MCF2L: variants seen among roughly 807,000 people sequenced by gnomAD.
MCF2L encodes MCF.2 cell line derived transforming sequence like, also known as guanine nucleotide exchange factor DBS.
Under a neutral mutation model 153.4 loss-of-function variants are expected in MCF2L, and 97 were observed. The ratio of observed to expected loss-of-function variants is 0.63; its 90% CI spans 0.54 to 0.75. The LOEUF is 0.75. Among genes scored for constraint, MCF2L ranks in the 30% least tolerant of loss-of-function variants. MCF2L has a pLI of 0.00. For synonymous variants in MCF2L, 659 were observed against 632.2 expected (o/e 1.04, Z -0.64); for missense variants, 1,347 against 1,495.2 (o/e 0.90, Z 1.64).
upstream of MCF2L, chr13:112,965,460 C>T (rs1214253454): frequency 6.6e-6 from 1 of 152,236 alleles, no homozygotes; most frequent in Non-Finnish European, 1.5e-5. Context: ...ATTTCTGGGG[C>T]CACGGCTCCA....
At chr13:112,895,267 C>T (rs996105443) in intron 1 of MCF2L, among the ~76,000 whole-genome samples, 1 of 152,106 alleles carries the variant, frequency 6.6e-6, no homozygotes, top group South Asian at 2.1e-4. Context: ...AGGGGCGTGG[C>T]CCGCATGACC....
intron 1 of MCF2L, among the ~76,000 whole-genome samples, chr13:112,972,474 GTGGA>G (rs1300862731): frequency 4.2e-5 from 6 of 141,666 alleles, no homozygotes; most frequent in East Asian, 2.3e-4. Context: ...GGGTGTGTGG[GTGGA>G]TGGATGGATG....
intron 25 of MCF2L, 57 bp downstream of exon 25, chr13:113,088,685 A>T: frequency 6.5e-7 from 1 of 1,546,770 alleles, no homozygotes; most frequent in Admixed American, 1.8e-5. Flanking sequence ...CGAGCAGGCC[A>T]TTTGCACGCC....
chr13:112,905,510 A>T (rs1338194670), intron 2 of MCF2L, among the ~76,000 whole-genome samples: 1 of 152,246 alleles, frequency 6.6e-6, no homozygotes. Context: ...GGCTTTGAGC[A>T]TAAAGGACAA....
At chr13:112,968,146 G>T (rs1307181160), upstream of MCF2L, among the ~76,000 whole-genome samples, 1 of 148,178 alleles carries the variant, frequency 6.7e-6, no homozygotes, top group African/African-American at 2.5e-5. Context: ...GTGAGGTGGG[G>T]GGGGGGGTCT....
At chr13:112,902,504 G>A in intron 2 of MCF2L, 1 of 944,906 alleles carries the variant, frequency 1.1e-6, no homozygotes, top group Non-Finnish European at 1.5e-6. Context: ...GACCCCCCAG[G>A]TAGCAGGCTG....
intron 1 of MCF2L, chr13:112,985,480 G>A (rs757413804): frequency 8.5e-6 from 4 of 470,978 alleles, no homozygotes; most frequent in South Asian, 6.2e-5. Flanking sequence ...GTGGCTGAGG[G>A]TGAGTCTCCT....
rs370704280 is a variant in MCF2L at position 113,033,978 on chromosome 13, C to G, written c.278+9220C>G. ...ACGCACCGCGGTGACCACCTCCCCC[C>G]GAGGTCCTCTCCCCGCACCTTCCCA... On this transcript the variant is annotated intron_variant, in intron 3 of 29. Coordinates refer to ENST00000535094, the MANE Select transcript of MCF2L (RefSeq NM_001112732.3). The G allele has an allele frequency of 1.8e-3, 295 of 165,378 alleles. 3 individuals are homozygous for G. Among genetic ancestry groups the G allele is most frequent in the Non-Finnish European group, 3.4e-3 (228 of 67,656 alleles). 10.2% of individuals were successfully genotyped at this position (165,378 alleles called of 1,614,324 possible). A position where few individuals can be genotyped will look rare whatever the true frequency, so the allele number is the denominator to read the frequency against.
Position 113,064,879 on chromosome 13 carries a change from C to T in MCF2L, c.607-57C>T. ...TTTCCGCCGGTGTCTGCTTTCAGGG[C>T]AGCAGGAGGTGGGTGCAGTGCACAA... On this transcript the variant is annotated intron_variant, in intron 6 of 29. Coordinates refer to ENST00000535094, the MANE Select transcript of MCF2L (RefSeq NM_001112732.3). This position sits in a 1 kb window ranked among gnomAD's most constrained non-coding sequence, Gnocchi z 6.0. The T allele has an allele frequency of 6.4e-7, 1 of 1,559,956 alleles. No homozygotes were observed. The highest frequency in any genetic ancestry group is 8.7e-7 in the Non-Finnish European group (1 of 1,148,742).
Position 112,969,570 on chromosome 13 carries a change from C to T in MCF2L, c.79+112C>T. ...AGCCGCCCTCGTGTTCCTTTCTAGC[C>T]GTGGTAGCTGTGACATGGGGGGCAC... On this transcript the variant is annotated intron_variant, in intron 1 of 29. Coordinates refer to ENST00000535094, the MANE Select transcript of MCF2L (RefSeq NM_001112732.3). This position sits in a 1 kb window ranked among gnomAD's most constrained non-coding sequence, Gnocchi z 4.8. 2 of 1,501,284 alleles carry T rather than the reference C, an allele frequency of 1.3e-6. No homozygotes were observed. The highest frequency in any genetic ancestry group is 2.0e-5 in the Admixed American group (1 of 49,262). 93.0% of individuals were successfully genotyped at this position (1,501,284 alleles called of 1,614,324 possible).
intron 2 of MCF2L, among the ~76,000 whole-genome samples, chr13:112,964,117 G>A (rs866191729): frequency 6.4e-5 from 7 of 109,474 alleles, no homozygotes; most frequent in African/African-American, 1.3e-4. Context: ...GCGGGGGGGC[G>A]GGGGGGCCCA....
chr13:113,091,169 G>T, intron 26 of MCF2L: 1 of 1,304,456 alleles, frequency 7.7e-7, no homozygotes, highest in Non-Finnish European at 1.0e-6. Flanking sequence ...GAAGTAAAGA[G>T]CGACCCGACT....
chr13:113,052,181 A>G (rs1394447537), intron 4 of MCF2L, among the ~76,000 whole-genome samples: 1 of 152,240 alleles, frequency 6.6e-6, no homozygotes, highest in Middle Eastern at 3.2e-3. Context: ...GTAAGTAGAT[A>G]CAATCATGAT....
intron 1 of MCF2L, among the ~76,000 whole-genome samples, chr13:112,990,121 G>T (rs759517849): frequency 1.3e-5 from 2 of 152,188 alleles, no homozygotes; most frequent in Admixed American, 1.3e-4. Flanking sequence ...TGTGCAGCCC[G>T]ACCAGTACCG....
chr13:112,954,224 A>G (rs2081729990), intron 2 of MCF2L, among the ~76,000 whole-genome samples: 1 of 152,128 alleles, frequency 6.6e-6, no homozygotes, highest in African/African-American at 2.4e-5. Flanking sequence ...ACAAAGCCAC[A>G]TTGGAAGAGA....
chr13:112,928,898 C>A (rs550172938), intron 2 of MCF2L, among the ~76,000 whole-genome samples: 1 of 152,324 alleles, frequency 6.6e-6, no homozygotes. Context: ...TGCGCCTCCT[C>A]CCAGCTGACA....
intron 3 of MCF2L, among the ~76,000 whole-genome samples, chr13:113,039,102 G>A (rs1051353458): frequency 3.3e-5 from 5 of 152,040 alleles, no homozygotes; most frequent in East Asian, 1.9e-4. Context: ...CTCATGATCC[G>A]CCCTCCTCAG....
intron 17 of MCF2L, among the ~76,000 whole-genome samples, chr13:113,083,506 A>C (rs975287950): frequency 1.3e-5 from 2 of 152,168 alleles, no homozygotes; most frequent in Admixed American, 1.3e-4. Flanking sequence ...TGTTGTGCTC[A>C]TGCCCCAAAT....
chr13:113,044,810 A>T, intron 3 of MCF2L: 1 of 1,612,930 alleles, frequency 6.2e-7, no homozygotes, highest in South Asian at 1.1e-5. Context: ...ATTTTCTCCC[A>T]GCACCGTAGC....
Sources: allele counts gnomAD v4.1 joint callset (sites outside exome capture counted in the v4.1 genomes callset), GRCh38; gene constraint gnomAD v4.1.1; non-coding constraint Gnocchi (gnomAD v3.1); transcripts MANE v1.5; gene names NCBI Gene and HGNC (gene_info 2026-07-23, HGNC 2026-07-21).